SIN3B: variants seen among roughly 807,000 people sequenced by gnomAD.
SIN3B encodes SIN3 transcription regulator family member B, also known as paired amphipathic helix protein Sin3b.
SIN3B carries 19 observed loss-of-function variants against 120.2 expected under a neutral mutation model. The observed-to-expected ratio is 0.16, with a 90% CI of 0.11 to 0.23. SIN3B has a LOEUF of 0.23. Among genes scored for constraint, SIN3B ranks in the 10% least tolerant of loss-of-function variants. The pLI is 1.00. For missense variants in SIN3B, 1,073 were observed against 1,573.0 expected (o/e 0.68, Z 5.38); for synonymous variants, 654 against 653.2 (o/e 1.00, Z -0.02).
chr19:16,832,964 G>A (rs1971298475), intron 3 of SIN3B, among the ~76,000 whole-genome samples: 1 of 152,294 alleles, frequency 6.6e-6, no homozygotes, highest in African/African-American at 2.4e-5. Context: ...GCTGTTGGGG[G>A]CTTCCCAGTG....
chr19:16,834,458 C>T (rs1568411619), intron 3 of SIN3B, among the ~76,000 whole-genome samples: 2 of 152,298 alleles, frequency 1.3e-5, no homozygotes, highest in African/African-American at 2.4e-5. Context: ...GGTCCCCAAC[C>T]GTGGAGGGCT....
At chr19:16,871,563 G>A (rs2051512007) in intron 14 of SIN3B, 165 bp downstream of exon 14, 3 of 624,266 alleles carry the variant, frequency 4.8e-6, no homozygotes, top group Non-Finnish European at 5.4e-6. Flanking sequence ...ATTTTGAAGT[G>A]TACAGTTTGG....
chr19:16,836,316 C>T (rs560264977), intron 3 of SIN3B, among the ~76,000 whole-genome samples: 17 of 152,142 alleles, frequency 1.1e-4, no homozygotes, highest in Middle Eastern at 3.4e-3. Flanking sequence ...AGACACAGGC[C>T]GTGGTGTGTG....
chr19:16,866,362 TC>T lies in SIN3B; in HGVS notation c.1623-5del. 2 of 1,607,176 alleles carry T rather than the reference TC, an allele frequency of 1.2e-6. No individual in the cohort carries two copies. The highest frequency in any genetic ancestry group is 1.7e-4 in the Middle Eastern group (1 of 6,014). On this transcript the variant is annotated splice_polypyrimidine_tract_variant and intron_variant, in intron 11 of 18. Transcript: ENST00000248054. Reference sequence around the variant, plus strand: ...GCTTGTCCCTGGTGCTGACCTCTCTTCCCCCCGCAGACTGAAGGCCAAGGAA... The same window carrying T: ...GCTTGTCCCTGGTGCTGACCTCTCTTCCCCCGCAGACTGAAGGCCAAGGAA...
intron 2 of SIN3B, among the ~76,000 whole-genome samples, chr19:16,830,491 G>A (rs1971265184): frequency 6.6e-6 from 1 of 152,200 alleles, no homozygotes; most frequent in Non-Finnish European, 1.5e-5. Context: ...TCATGCCCTT[G>A]TTTTTATAGG....
rs762661076 is a variant in SIN3B at position 16,876,613 on chromosome 19, C to G, written c.2859+35C>G. On this transcript the variant is annotated intron_variant, in intron 16 of 18. Transcript: ENST00000248054. This position sits in a 1 kb window ranked among gnomAD's most constrained non-coding sequence, Gnocchi z 7.1. ...TGGCCCCAGTCTGTGCCACGCATACCAGGGAGCGCCTGAGGGCAGCAGCAT... is the reference window on the plus strand; with the variant it reads ...TGGCCCCAGTCTGTGCCACGCATACGAGGGAGCGCCTGAGGGCAGCAGCAT... 1.9e-6 allele frequency: 3 copies of G among 1,549,690 alleles called. No homozygotes were observed. The highest frequency in any genetic ancestry group is 2.7e-6 in the Non-Finnish European group (3 of 1,126,054).
At chr19:16,874,760 GTT>G (rs2051564978) in intron 14 of SIN3B, among the ~76,000 whole-genome samples, 1 of 150,300 alleles carries the variant, frequency 6.7e-6, no homozygotes, top group Non-Finnish European at 1.5e-5. Flanking sequence ...ATCTGGTCTA[GTT>G]TGGTTGGTTT....
chr19:16,848,532 C>A (rs1971507440), intron 5 of SIN3B, among the ~76,000 whole-genome samples: 1 of 148,716 alleles, frequency 6.7e-6, no homozygotes, highest in Non-Finnish European at 1.5e-5. Context: ...GGCTCTCTGT[C>A]TGTCACCTAG....
At chr19:16,853,233 C>G in intron 7 of SIN3B, 75 bp downstream of exon 7, 1 of 1,398,266 alleles carries the variant, frequency 7.2e-7, no homozygotes, top group Non-Finnish European at 1.0e-6. Flanking sequence ...TGGGCCTGCC[C>G]CAGGATTGGG....
intron 4 of SIN3B, among the ~76,000 whole-genome samples, chr19:16,844,876 C>T (rs954812662): frequency 2.0e-5 from 3 of 152,154 alleles, no homozygotes; most frequent in Non-Finnish European, 2.9e-5. Flanking sequence ...TCAGACAGGT[C>T]ATTGTGGCCT....
rs558015742 is a variant in SIN3B, at chr19:16,878,364, C to T, written c.3136C>T (p.Arg1046Cys). The T allele has an allele frequency of 6.2e-6, 10 of 1,612,154 alleles. No homozygotes were observed. In the East Asian group the frequency reaches 8.9e-5, roughly 14 times the overall value. The change falls in exon 18 of 19, where the codon CGC (arginine) becomes TGC (cysteine). Residue 1046 changes from arginine (R) to cysteine (C), a missense_variant. Around this residue, in one of 7 missense-constraint regions of SIN3B, gnomAD observed 311 missense variants for 400.3 expected, o/e 0.78. Coordinates refer to ENST00000248054, the MANE Select transcript of SIN3B (RefSeq NM_001297595.2). ...GAACTCCGAGGACTACATGTACCGT[C>T]GCGGGACCCTCTGCCGGGCCAAGCA... ...IVNSEDYMYR[R>C]GTLCRAKQVQ...
chr19:16,832,515 T>A (rs1971292412), intron 3 of SIN3B, among the ~76,000 whole-genome samples: 1 of 150,464 alleles, frequency 6.6e-6, no homozygotes, highest in South Asian at 2.1e-4. Context: ...TTTTTTTTTT[T>A]TTTAAGACAG....
Position 16,879,097 on chromosome 19 carries a change from G to A in SIN3B, c.*370G>A, listed in dbSNP as rs777143307. The stretch of plus-strand genomic sequence containing the variant: ...TGTCTTGGAAAAGTCACAGGTGACA[G>A]CCCTCCTGAGGCCCACACTTTGGAG... On this transcript the variant is annotated 3_prime_UTR_variant, in exon 19 of 19. Transcript: ENST00000248054. 144 of 284,864 alleles carry A rather than the reference G, an allele frequency of 5.1e-4. 2 individuals are homozygous for A. Among genetic ancestry groups the A allele is most frequent in the Non-Finnish European group, 1.5e-4 (23 of 151,792 alleles). The allele number at this position is 284,864 out of a possible 1,614,324, so 17.6% of individuals were successfully genotyped here.
In SIN3B at chr19:16,853,161, G is replaced by A; in HGVS notation, c.939+3G>A. On this transcript the variant is annotated splice_donor_region_variant and intron_variant, in intron 7 of 18. Coordinates refer to ENST00000248054, the MANE Select transcript of SIN3B (RefSeq NM_001297595.2). ...AGGAATTTTCTTTCTTTGACAAGGTGAGGGTGGGCCCTGGCTTCCATCTTG... is the reference window on the plus strand; with the variant it reads ...AGGAATTTTCTTTCTTTGACAAGGTAAGGGTGGGCCCTGGCTTCCATCTTG... 6.2e-7 allele frequency: 1 copy of A among 1,613,812 alleles called. No homozygotes were observed. The highest frequency in any genetic ancestry group is 8.5e-7 in the Non-Finnish European group (1 of 1,179,648).
intron 3 of SIN3B, among the ~76,000 whole-genome samples, chr19:16,835,799 G>A (rs1331113445): frequency 2.6e-5 from 4 of 152,074 alleles, no homozygotes; most frequent in Non-Finnish European, 4.4e-5. Context: ...GATTACAGGC[G>A]TTAGCCACTG....
rs150614695 is a variant in SIN3B, at chr19:16,866,447, A to G, written c.1697A>G (p.Lys566Arg). ...FNKIWREQYEKAYLKSLDHQA... is the reference protein window; with the variant it reads ...FNKIWREQYERAYLKSLDHQA... ...AAGATCTGGCGGGAGCAGTATGAGA[A>G]GGCGTACCTCAAGTCCCTTGACCAC... is the stretch of plus-strand genomic sequence containing the variant. Residue 566 changes from lysine to arginine, a missense_variant, in exon 12 of 19, where the codon AAG becomes AGG. Lys to Arg is a conservative substitution (Grantham distance 26). This residue lies in a region of SIN3B where 118 missense variants were observed against 281.6 expected (regional missense o/e 0.42). Coordinates refer to ENST00000248054, the MANE Select transcript of SIN3B (RefSeq NM_001297595.2). 6.2e-7 allele frequency: 1 copy of G among 1,613,822 alleles called. No homozygotes were observed. Among genetic ancestry groups the G allele is most frequent in the Non-Finnish European group, 8.5e-7 (1 of 1,179,988 alleles).
At chr19:16,833,326 G>A (rs1971303049) in intron 3 of SIN3B, among the ~76,000 whole-genome samples, 1 of 152,156 alleles carries the variant, frequency 6.6e-6, no homozygotes, top group Admixed American at 6.5e-5. Flanking sequence ...CCATGTGCAA[G>A]GTGTGTGTCA....
intron 14 of SIN3B, chr19:16,871,643 C>A: frequency 2.2e-6 from 1 of 463,422 alleles, no homozygotes; most frequent in Non-Finnish European, 3.8e-6. Context: ...TTCATCTTTC[C>A]AAAAGGAGAC....
chr19:16,868,579 T>A (rs1971810871), intron 12 of SIN3B, among the ~76,000 whole-genome samples: 1 of 151,754 alleles, frequency 6.6e-6, no homozygotes, highest in African/African-American at 2.4e-5. Context: ...TGGGACAGGG[T>A]TTTCCAGGGA....
Sources: gnomAD v4.1 joint callset for allele counts (sites outside exome capture counted in the v4.1 genomes callset) on GRCh38, gnomAD v4.1.1 for gene constraint, gnomAD v4.1.1 regional missense constraint, Gnocchi (gnomAD v3.1) non-coding constraint, MANE v1.5 for transcripts, NCBI Gene and HGNC (gene_info 2026-07-23, HGNC 2026-07-21) for gene names.